ADAMTSL1: variants seen among roughly 807,000 people sequenced by gnomAD.
ADAMTSL1 encodes ADAMTS-like protein 1.
ADAMTSL1 carries 126 observed loss-of-function variants against 201.8 expected under a neutral mutation model. The observed-to-expected ratio is 0.62, with a 90% confidence interval of 0.54 to 0.72. The LOEUF (loss-of-function observed/expected upper bound fraction) is 0.72, where lower values mean the gene tolerates loss of function less well. ADAMTSL1 is among the 30% of genes least tolerant of loss of function. ADAMTSL1 has a pLI of 0.00. For missense variants in ADAMTSL1, 2,679 were observed against 2,277.8 expected, an observed-to-expected ratio of 1.18 and a Z score of -3.59; for synonymous variants, 1,121 against 903.4, an observed-to-expected ratio of 1.24 and a Z score of -4.32.
chr9:18,190,583 A>G (rs986797711), intron 2 of ADAMTSL1, among the ~76,000 whole-genome samples: 8 of 152,212 alleles, frequency 5.3e-5, no homozygotes, highest in South Asian at 2.1e-4. Flanking sequence ...CAAGATAAGC[A>G]TTGATTTCTC....
intron 2 of ADAMTSL1, among the ~76,000 whole-genome samples, chr9:18,338,319 G>A (rs765916972): frequency 2.6e-5 from 4 of 151,966 alleles, no homozygotes; most frequent in South Asian, 4.2e-4. Context: ...ATCCACCTTC[G>A]GCCCCTTTCC....
chr9:18,236,544 T>C (rs1242149734), intron 2 of ADAMTSL1, among the ~76,000 whole-genome samples: 4 of 152,218 alleles, frequency 2.6e-5, no homozygotes, highest in Non-Finnish European at 5.9e-5. Context: ...TTTCCTGTGA[T>C]GATGATGGAA....
intron 13 of ADAMTSL1, among the ~76,000 whole-genome samples, chr9:18,699,115 T>C (rs1831761993): frequency 6.6e-6 from 1 of 152,180 alleles, no homozygotes. Flanking sequence ...AAGGAAAATG[T>C]GCTCTTTAAT....
chr9:18,192,990 G>A (rs897487135), intron 2 of ADAMTSL1, among the ~76,000 whole-genome samples: 4 of 151,856 alleles, frequency 2.6e-5, no homozygotes, highest in South Asian at 2.1e-4. Context: ...AGAAATAAAC[G>A]ATATAAGGAA....
In ADAMTSL1 at chr9:18,203,197, C is replaced by T. The variant is rs182254472; in HGVS notation, c.207+39216C>T. On this transcript the variant is annotated intron_variant, in intron 2 of 29. Coordinates refer to the ADAMTSL1 transcript ENST00000680146. ...CTGGAGGCTCCCTGCTGAAGTCTAG[C>T]ACCATATTTCATCCAGCTGCACTCT... Among the ~76,000 whole-genome samples, 52 of 152,182 alleles carry T rather than the reference C, an allele frequency of 3.4e-4. 1 individual carries two copies. Among genetic ancestry groups the T allele is most frequent in the Admixed American group, 1.3e-3 (20 of 15,260 alleles).
chr9:18,655,504 AAC>A (rs1438249448), intron 7 of ADAMTSL1, among the ~76,000 whole-genome samples: 2 of 152,180 alleles, frequency 1.3e-5, no homozygotes, highest in African/African-American at 4.8e-5. Flanking sequence ...AGCTTTCTAG[AAC>A]AGAGTTTCTC....
intron 2 of ADAMTSL1, among the ~76,000 whole-genome samples, chr9:18,527,272 A>G (rs943960942): frequency 1.3e-5 from 2 of 152,238 alleles, no homozygotes; most frequent in African/African-American, 2.4e-5. Flanking sequence ...CTTTTTAGCA[A>G]TCAGAGATAA....
chr9:18,557,547 A>G (rs1039619656), intron 3 of ADAMTSL1, among the ~76,000 whole-genome samples: 4 of 152,058 alleles, frequency 2.6e-5, no homozygotes, highest in East Asian at 1.9e-4. Context: ...GTAAAGGAGC[A>G]TTGATTAGAT....
chr9:18,672,947 C>T (rs541641230), intron 9 of ADAMTSL1, among the ~76,000 whole-genome samples: 1 of 152,236 alleles, frequency 6.6e-6, no homozygotes, highest in South Asian at 2.1e-4. Flanking sequence ...ATGTTACTGC[C>T]CAGTGTAAGA....
rs770406138 is a variant in ADAMTSL1, at chr9:18,694,498, C to A, written c.1574+9698C>A. 2.6e-5 allele frequency among the ~76,000 whole-genome samples: 4 copies of A among 152,100 alleles called. No individual in the cohort carries two copies. The East Asian group carries it at 5.8e-4, about 22-fold the overall frequency. On this transcript the variant is annotated intron_variant, in intron 13 of 28. Coordinates refer to ENST00000380548, the MANE Select transcript of ADAMTSL1 (RefSeq NM_001040272.6). ...ATTGGGTAAATACACGCATTCTAAACGGGAGAAATTAGCCCAAACAAAGGG... is the reference window on the plus strand; with the variant it reads ...ATTGGGTAAATACACGCATTCTAAAAGGGAGAAATTAGCCCAAACAAAGGG...
intron 4 of ADAMTSL1, among the ~76,000 whole-genome samples, chr9:18,605,328 C>T (rs907716055): frequency 3.4e-4 from 52 of 152,192 alleles, no homozygotes; most frequent in Admixed American, 6.5e-5. Context: ...TGACTGCTTA[C>T]AAAATGAGCC....
chr9:18,720,564 A>G (rs909882527), intron 14 of ADAMTSL1, among the ~76,000 whole-genome samples: 1 of 152,166 alleles, frequency 6.6e-6, no homozygotes, highest in Non-Finnish European at 1.5e-5. Flanking sequence ...TGGGCAGATC[A>G]CTTGAGGTCA....
intron 1 of ADAMTSL1, among the ~76,000 whole-genome samples, chr9:17,983,162 C>A (rs187949073): frequency 4.0e-5 from 6 of 149,970 alleles, no homozygotes; most frequent in East Asian, 4.0e-4. Context: ...CTCCAGCCTC[C>A]TGGGTTCAAG....
intron 1 of ADAMTSL1, among the ~76,000 whole-genome samples, chr9:18,477,779 T>C (rs1199275612): frequency 6.6e-6 from 1 of 152,202 alleles, no homozygotes; most frequent in East Asian, 1.9e-4. Flanking sequence ...AGCTACATTT[T>C]TGTTTACTCA....
intron 2 of ADAMTSL1, among the ~76,000 whole-genome samples, chr9:18,380,108 C>G (rs1388568996): frequency 6.6e-6 from 1 of 152,196 alleles, no homozygotes; most frequent in Non-Finnish European, 1.5e-5. Context: ...ATTTCTTCAT[C>G]TATTTTAACT....
At chr9:18,075,978 T>A (rs1823205425) in intron 1 of ADAMTSL1, among the ~76,000 whole-genome samples, 1 of 152,244 alleles carries the variant, frequency 6.6e-6, no homozygotes, top group Admixed American at 6.5e-5. Context: ...CTCACCTAAG[T>A]AATAGCATCT....
At chr9:18,633,613 A>G (rs1475813825) in intron 5 of ADAMTSL1, among the ~76,000 whole-genome samples, 2 of 148,350 alleles carry the variant, frequency 1.3e-5, no homozygotes, top group African/African-American at 5.0e-5. Flanking sequence ...AACAAACCAA[A>G]GAAGCTCTGT....
At chr9:17,944,402 T>C (rs983290497) in intron 1 of ADAMTSL1, among the ~76,000 whole-genome samples, 17 of 152,252 alleles carry the variant, frequency 1.1e-4, no homozygotes, top group Admixed American at 2.6e-4. Context: ...AGGTAATTTA[T>C]AGATTCAATG....
chr9:18,085,794 CAT>C (rs1213526723), intron 1 of ADAMTSL1, among the ~76,000 whole-genome samples: 1 of 150,974 alleles, frequency 6.6e-6, no homozygotes, highest in African/African-American at 2.4e-5. Context: ...CACACACACA[CAT>C]GCACACACAG....
Sources: gnomAD v4.1 joint callset for allele counts (sites outside exome capture counted in the v4.1 genomes callset) on GRCh38, gnomAD v4.1.1 for gene constraint, MANE v1.5 for transcripts, NCBI Gene and HGNC (gene_info 2026-07-23, HGNC 2026-07-21) for gene names.